TTLL5: variants seen among roughly 807,000 people sequenced by gnomAD.
TTLL5 encodes tubulin tyrosine ligase like 5.
In TTLL5, 132 loss-of-function variants were observed where a neutral mutation model predicts 168.4. The ratio of observed to expected loss-of-function variants is 0.78; its 90% CI spans 0.68 to 0.91. TTLL5 has a LOEUF of 0.91. TTLL5 is among the 40% of genes least tolerant of loss of function. The probability of loss-of-function intolerance (pLI) is 0.00; values close to 1 mark genes in which losing one functional copy is unlikely to be tolerated. For missense variants in TTLL5, 1,545 were observed against 1,581.5 expected, an observed-to-expected ratio of 0.98 and a Z score of 0.39; for synonymous variants, 546 against 558.6, an observed-to-expected ratio of 0.98 and a Z score of 0.32.
chr14:75,953,767 C>T (rs2035030217), intron 31 of TTLL5, among the ~76,000 whole-genome samples: 1 of 151,886 alleles, frequency 6.6e-6, no homozygotes, highest in African/African-American at 2.4e-5. Flanking sequence ...TTTTTTCATG[C>T]ACTTTAAAAA....
rs1472471001 is a variant in TTLL5, at chr14:75,882,750, T to C, written c.3588T>C (p.Cys1196=). Residue 1196 remains cysteine (C), a synonymous_variant, in exon 30 of 32, where the codon TGT becomes TGC. Transcript: ENST00000298832. The part of the protein sequence containing the change: ...NLWTMNNGAG[C]RISSATASGQ... ...GGACAATGAATAATGGTGCAGGTTG[T>C]AGAATTTCCAGTGCCACAGCTAGTG... 2 of 1,614,060 alleles carry C rather than the reference T, an allele frequency of 1.2e-6. No homozygotes were observed. Among genetic ancestry groups the C allele is most frequent in the Non-Finnish European group, 8.5e-7 (1 of 1,180,010 alleles).
Position 75,681,723 on chromosome 14 carries a change from A to G in TTLL5, c.264+96A>G, listed in dbSNP as rs1884625592. On this transcript the variant is annotated intron_variant, in intron 4 of 31. Coordinates refer to ENST00000298832, the MANE Select transcript of TTLL5 (RefSeq NM_015072.5). ...CCAGTTAACAGGGCCAGCTCCAGGA[A>G]GTACATGGGACCAATGCTTAGTGGT... is the stretch of plus-strand genomic sequence containing the variant. The G allele has an allele frequency of 2.9e-6, 3 of 1,023,730 alleles. No homozygotes were observed. In the East Asian group the frequency reaches 7.2e-5, roughly 25 times the overall value. The allele number at this position is 1,023,730 out of a possible 1,614,324, so 63.4% of individuals were successfully genotyped here. A position where few individuals can be genotyped will look rare whatever the true frequency, so the allele number is the denominator to read the frequency against.
chr14:75,796,970 A>G (rs1203385032), intron 27 of TTLL5, among the ~76,000 whole-genome samples: 1 of 151,326 alleles, frequency 6.6e-6, no homozygotes, highest in African/African-American at 2.4e-5. Context: ...AAGAATGATG[A>G]TGGTATTAAA....
chr14:75,746,628 C>G (rs1290676441), intron 17 of TTLL5, among the ~76,000 whole-genome samples: 1 of 147,710 alleles, frequency 6.8e-6, no homozygotes, highest in East Asian at 2.0e-4. Context: ...ACAATCTTGG[C>G]TTACTGCAAC....
intron 17 of TTLL5, among the ~76,000 whole-genome samples, chr14:75,750,685 C>T (rs1040344411): frequency 6.6e-6 from 1 of 151,782 alleles, no homozygotes; most frequent in Non-Finnish European, 1.5e-5. Flanking sequence ...GACTCTGTGG[C>T]AGGGCCAGTG....
At chr14:75,853,121 C>T (rs1205582317) in intron 28 of TTLL5, among the ~76,000 whole-genome samples, 2 of 152,164 alleles carry the variant, frequency 1.3e-5, no homozygotes, top group Non-Finnish European at 2.9e-5. Flanking sequence ...CTTTTATTAT[C>T]AATATATCAT....
chr14:75,916,118 T>G (rs2033605694), intron 31 of TTLL5, among the ~76,000 whole-genome samples: 1 of 141,486 alleles, frequency 7.1e-6, no homozygotes, highest in Admixed American at 7.6e-5. Context: ...AGAGCAAGAC[T>G]GTCACAAGAA....
chr14:75,714,650 G>A (rs1006493897), intron 9 of TTLL5, among the ~76,000 whole-genome samples: 3 of 152,182 alleles, frequency 2.0e-5, no homozygotes, highest in African/African-American at 7.2e-5. Context: ...GATTTGGCCA[G>A]TGGGAGACCT....
intron 15 of TTLL5, among the ~76,000 whole-genome samples, chr14:75,744,136 C>T (rs899490977): frequency 1.3e-5 from 2 of 152,150 alleles, no homozygotes; most frequent in African/African-American, 4.8e-5. Context: ...AATAATACCT[C>T]GTGACAATGG....
intron 28 of TTLL5, among the ~76,000 whole-genome samples, chr14:75,849,631 C>G (rs1896741388): frequency 6.6e-6 from 1 of 152,144 alleles, no homozygotes; most frequent in South Asian, 2.1e-4. Context: ...AGCACTGATT[C>G]ATGAAAAAAG....
intron 7 of TTLL5, among the ~76,000 whole-genome samples, chr14:75,700,741 G>A (rs577850633): frequency 1.3e-5 from 2 of 152,008 alleles, no homozygotes; most frequent in African/African-American, 4.8e-5. Flanking sequence ...TCTAAAACTT[G>A]CCTTGGTCTC....
At chr14:75,668,642 A>G (rs1883482153) in intron 2 of TTLL5, among the ~76,000 whole-genome samples, 1 of 152,224 alleles carries the variant, frequency 6.6e-6, no homozygotes. Flanking sequence ...GGAGGAAAAT[A>G]TATATTGTTC....
At chr14:75,691,582 T>C (rs1009864988) in intron 6 of TTLL5, among the ~76,000 whole-genome samples, 1 of 152,218 alleles carries the variant, frequency 6.6e-6, no homozygotes, top group Admixed American at 6.5e-5. Flanking sequence ...TCAGAGGCCA[T>C]GCTCTTCGTC....
intron 13 of TTLL5, 29 bp from the exon 14 acceptor site, chr14:75,733,960 A>C: frequency 6.2e-7 from 1 of 1,611,850 alleles, no homozygotes; most frequent in Non-Finnish European, 8.5e-7. Context: ...ACACTTATCA[A>C]TTGCTCTTTT....
At chr14:75,880,923 G>A (rs8015366) in intron 29 of TTLL5, among the ~76,000 whole-genome samples, 95,751 of 151,798 alleles carry the variant, frequency 0.63, 32,891 homozygotes, top group Admixed American at 0.75. Flanking sequence ...TCTTCCCCCC[G>A]CTTTTTTTGA....
intron 31 of TTLL5, among the ~76,000 whole-genome samples, chr14:75,931,149 T>C (rs1251251240): frequency 1.3e-5 from 2 of 152,210 alleles, no homozygotes; most frequent in Non-Finnish European, 2.9e-5. Flanking sequence ...TGGGGCACCA[T>C]ACACACCAAA....
At chr14:75,871,874 A>G (rs1006504763) in intron 29 of TTLL5, among the ~76,000 whole-genome samples, 6 of 152,390 alleles carry the variant, frequency 3.9e-5, no homozygotes, top group Admixed American at 6.5e-5. Flanking sequence ...AACAAATTAT[A>G]CATTTGAAGA....
At chr14:75,775,676 G>A (rs1435254638) in intron 22 of TTLL5, 46 bp downstream of exon 22, 1 of 1,603,952 alleles carries the variant, frequency 6.2e-7, no homozygotes, top group Non-Finnish European at 8.5e-7. Context: ...GCCATACACT[G>A]TCAGAAACAG....
chr14:75,680,966 C>T (rs537121651), intron 3 of TTLL5, among the ~76,000 whole-genome samples: 90 of 152,130 alleles, frequency 5.9e-4, no homozygotes, highest in Middle Eastern at 3.4e-3. Flanking sequence ...CAATAGATCC[C>T]TTTGGCAGTC....
Sources: allele counts gnomAD v4.1 joint callset (sites outside exome capture counted in the v4.1 genomes callset), GRCh38; gene constraint gnomAD v4.1.1; transcripts MANE v1.5; gene names NCBI Gene and HGNC (gene_info 2026-07-23, HGNC 2026-07-21).